APTX: variants seen among roughly 807,000 people sequenced by gnomAD.
APTX encodes aprataxin.
APTX carries 33 observed loss-of-function variants against 42.3 expected under a neutral mutation model. That is an observed-to-expected ratio of 0.78 (90% CI 0.59 to 1.04). The LOEUF is 1.04. Ranked by LOEUF, APTX falls within the 50% of genes least tolerant of loss-of-function variation. APTX has a pLI of 0.00. For missense variants in APTX, 421 were observed against 415.1 expected (o/e 1.01, Z -0.12); for synonymous variants, 130 against 146.7 (o/e 0.89, Z 0.82).
intron 2 of APTX, among the ~76,000 whole-genome samples, chr9:32,988,716 T>C (rs10971272): frequency 0.068 from 9,105 of 133,268 alleles, 464 homozygotes; most frequent in Non-Finnish European, 0.11. Flanking sequence ...AAAAAAAAGA[T>C]CCATTTCTCA....
At chr9:32,997,347 A>G (rs979150651) in intron 1 of APTX, 2 of 84,242 alleles carry the variant, frequency 2.4e-5, no homozygotes, top group African/African-American at 8.2e-5. Context: ...AAAAAAATAA[A>G]TCTTGTGGAG....
chr9:32,989,641 T>G, intron 2 of APTX, 118 bp downstream of exon 2: 16 of 1,494,222 alleles, frequency 1.1e-5, no homozygotes, highest in Non-Finnish European at 1.5e-5. Context: ...GCTCAGTTCC[T>G]GAGCTGTATT....
At chr9:33,020,824 C>T (rs902656150) in intron 1 of APTX, among the ~76,000 whole-genome samples, 2 of 152,336 alleles carry the variant, frequency 1.3e-5, no homozygotes, top group Non-Finnish European at 2.9e-5. Flanking sequence ...TGAACACTTA[C>T]GGCCATGTGG....
chr9:33,002,682 G>A (rs965612298), upstream of APTX, among the ~76,000 whole-genome samples: 5 of 152,134 alleles, frequency 3.3e-5, no homozygotes, highest in Admixed American at 2.6e-4. Flanking sequence ...GCAAAACCCC[G>A]TTGCAGTGAG....
intron 1 of APTX, among the ~76,000 whole-genome samples, chr9:33,013,906 G>A (rs1246728347): frequency 4.5e-4 from 69 of 152,294 alleles, no homozygotes; most frequent in East Asian, 1.9e-3. Context: ...GCAACCACCA[G>A]GAAGAAAGAC....
At position 33,001,563 on chromosome 9, in the gene APTX, T is replaced by G; in HGVS notation, c.-5+4A>C. On this transcript the variant is annotated splice_donor_region_variant and intron_variant, in intron 1 of 7. Coordinates refer to ENST00000379817, the MANE Select transcript of APTX (RefSeq NM_001195248.2). Reference sequence around the variant, plus strand: ...CAGAAGAGATAGGCTGACGACCGCCTTACCTCCAGAAGTCGGAGACGGACA... The same window carrying G: ...CAGAAGAGATAGGCTGACGACCGCCGTACCTCCAGAAGTCGGAGACGGACA... 2.5e-6 allele frequency: 4 copies of G among 1,613,880 alleles called. No individual in the cohort carries two copies. The highest frequency in any genetic ancestry group is 3.4e-6 in the Non-Finnish European group (4 of 1,180,018).
At chr9:33,010,020 T>C (rs1251581404) in intron 1 of APTX, among the ~76,000 whole-genome samples, 1 of 152,196 alleles carries the variant, frequency 6.6e-6, no homozygotes, top group Non-Finnish European at 1.5e-5. Context: ...CTTGAACCCA[T>C]TCAGTCAAGA....
intron 1 of APTX, among the ~76,000 whole-genome samples, chr9:33,018,224 C>T (rs1175406992): frequency 2.0e-5 from 3 of 151,096 alleles, no homozygotes; most frequent in Non-Finnish European, 2.9e-5. Context: ...GATTCTCCTG[C>T]CTCAGCCTCC....
chr9:32,999,805 C>A (rs1319019035), intron 1 of APTX, among the ~76,000 whole-genome samples: 1 of 152,096 alleles, frequency 6.6e-6, no homozygotes, highest in African/African-American at 2.4e-5. Context: ...GAAACCCCGT[C>A]TCTACTAAAA....
intron 4 of APTX, 191 bp from the exon 5 acceptor site, chr9:32,986,221 C>CT (rs903896685): frequency 8.9e-4 from 626 of 705,006 alleles, no homozygotes; most frequent in Middle Eastern, 1.1e-3. Context: ...CCTATATTCT[C>CT]TTTTTTTTTG....
chr9:32,974,499 T>A lies in APTX; in HGVS notation c.833A>T (p.His278Leu). 6.2e-7 allele frequency: 1 copy of A among 1,611,844 alleles called. No individual in the cohort carries two copies. The highest frequency in any genetic ancestry group is 8.5e-7 in the Non-Finnish European group (1 of 1,178,450). ...FDSPCLKNKK[H>L]WNSFNTEYFL... ...GTATTCTGTATTGAAAGAATTCCAA[T>A]GTTTTTTGTTTTTAAGGCAAGGAGA... Residue 278 changes from histidine to leucine, a missense_variant, in exon 7 of 8, where the codon CAT (histidine) becomes CTT (leucine). His to Leu is a moderately conservative substitution (Grantham distance 99, BLOSUM62 -3). Transcript: ENST00000379817.
At chr9:32,989,997 C>T in intron 1 of APTX, 102 bp from the exon 2 acceptor site, 3 of 1,449,986 alleles carry the variant, frequency 2.1e-6, no homozygotes, top group Non-Finnish European at 1.9e-6. Context: ...ACCAGCTGTT[C>T]ATCTTGAGGC....
At chr9:33,001,640 TC>T (rs1836567334), upstream of APTX, 9 of 1,612,818 alleles carry the variant, frequency 5.6e-6, no homozygotes, top group East Asian at 2.0e-4. Flanking sequence ...CGGGATGACG[TC>T]AGAGGCCGGC....
At chr9:32,989,414 C>A (rs1380957636) in intron 2 of APTX, among the ~76,000 whole-genome samples, 1 of 152,212 alleles carries the variant, frequency 6.6e-6, no homozygotes, top group African/African-American at 2.4e-5. Context: ...CCCATTACTT[C>A]TCAGAAAGAC....
chr9:33,017,695 G>C (rs1439125491), intron 1 of APTX, among the ~76,000 whole-genome samples: 1 of 152,132 alleles, frequency 6.6e-6, no homozygotes, highest in African/African-American at 2.4e-5. Context: ...TTTGGGGAAG[G>C]GATACGGACC....
At position 32,988,097 on chromosome 9, in the gene APTX, C is replaced by T. The variant is rs1409213263; in HGVS notation, c.166G>A (p.Val56Ile). Residue 56 changes from valine (V) to isoleucine (I), a missense_variant, in exon 3 of 8, where the codon GTC becomes ATC. Transcript: ENST00000379817. ...AATACACCTACCTGCTTTACCTTGACATATCCCTTGTTACACTCTGCTTTC... is the reference window on the plus strand; with the variant it reads ...AATACACCTACCTGCTTTACCTTGATATATCCCTTGTTACACTCTGCTTTC... ...QLKAECNKGY[V>I]KVKQVGVNPT... is the part of the protein sequence containing the mutation. The T allele has an allele frequency of 1.2e-6, 2 of 1,614,010 alleles. No individual in the cohort carries two copies. The highest frequency in any genetic ancestry group is 2.7e-5 in the African/African-American group (2 of 74,928).
chr9:32,989,313 G>A (rs1832977970), intron 2 of APTX, among the ~76,000 whole-genome samples: 1 of 152,178 alleles, frequency 6.6e-6, no homozygotes, highest in African/African-American at 2.4e-5. Context: ...CTGAGGGCAA[G>A]GACTTTCATG....
chr9:32,990,727 T>C (rs1460312332), intron 1 of APTX, among the ~76,000 whole-genome samples: 3 of 152,122 alleles, frequency 2.0e-5, no homozygotes, highest in Non-Finnish European at 4.4e-5. Flanking sequence ...GAAGGGATAT[T>C]AATGTGCGGT....
intron 1 of APTX, among the ~76,000 whole-genome samples, chr9:33,015,223 T>C (rs1056812056): frequency 1.3e-5 from 2 of 152,260 alleles, no homozygotes; most frequent in African/African-American, 4.8e-5. Context: ...ATGTTTATAA[T>C]ACATTATACA....
Sources: allele counts gnomAD v4.1 joint callset (sites outside exome capture counted in the v4.1 genomes callset), GRCh38; gene constraint gnomAD v4.1.1; transcripts MANE v1.5; gene names NCBI Gene and HGNC (gene_info 2026-07-23, HGNC 2026-07-21).